Variants in SNX29 observed in about 807,000 individuals in gnomAD.
SNX29 encodes the protein sorting nexin-29.
In SNX29, 78 loss-of-function variants were observed where a neutral mutation model predicts 102.1. The ratio of observed to expected loss-of-function variants is 0.76; its 90% CI spans 0.64 to 0.92. The LOEUF (loss-of-function observed/expected upper bound fraction) is 0.92. Among genes scored for constraint, SNX29 ranks in the 40% least tolerant of loss-of-function variants. The pLI is 0.00. For synonymous variants in SNX29, 580 were observed against 414.5 expected, an observed-to-expected ratio of 1.40 and a Z score of -4.85; for missense variants, 1,280 against 1,061.7, an observed-to-expected ratio of 1.21 and a Z score of -2.86.
chr16:12,485,727 G>C (rs1245262103), intron 19 of SNX29, among the ~76,000 whole-genome samples: 1 of 152,170 alleles, frequency 6.6e-6, no homozygotes. Context: ...TTCGGTCTCT[G>C]TCCTTAAGAA....
chr16:12,441,083 T>C (rs1597388277), intron 18 of SNX29, among the ~76,000 whole-genome samples: 3 of 137,526 alleles, frequency 2.2e-5, no homozygotes, highest in South Asian at 4.9e-4. Context: ...CATCGCTACT[T>C]CATTCCTTTT....
At chr16:12,193,068 C>G (rs1023580681) in intron 13 of SNX29, among the ~76,000 whole-genome samples, 12 of 152,200 alleles carry the variant, frequency 7.9e-5, no homozygotes, top group African/African-American at 2.7e-4. Flanking sequence ...CTTCTAGGCT[C>G]AGGTGATCCT....
chr16:12,543,595 T>C (rs2077444277), intron 20 of SNX29, among the ~76,000 whole-genome samples: 2 of 152,074 alleles, frequency 1.3e-5, no homozygotes, highest in Admixed American at 1.3e-4. Context: ...TCCCAGTTCA[T>C]CCTCCCCGAT....
intron 18 of SNX29, among the ~76,000 whole-genome samples, chr16:12,456,372 A>G (rs1170159226): frequency 1.3e-5 from 2 of 152,234 alleles, no homozygotes; most frequent in Non-Finnish European, 2.9e-5. Context: ...ATCAATAAAT[A>G]CAGCACGATA....
At chr16:12,429,118 C>A (rs1421508341) in intron 18 of SNX29, among the ~76,000 whole-genome samples, 2 of 151,232 alleles carry the variant, frequency 1.3e-5, no homozygotes, top group Non-Finnish European at 2.9e-5. Flanking sequence ...CGATTAATAG[C>A]TCTTTCTAGT....
rs537929482 is a variant in SNX29 at position 12,572,301 on chromosome 16, C to G, written c.*3672C>G. ...TAACAAGTACTGGGGCCAGTGATCA[C>G]AATCCAGGTTGGAAACAGGAGTGAA... is the stretch of plus-strand genomic sequence containing the variant. On this transcript the variant is annotated 3_prime_UTR_variant, in exon 21 of 21. Coordinates refer to ENST00000566228, the MANE Select transcript of SNX29 (RefSeq NM_032167.5). 1.1e-6 allele frequency: 1 copy of G among 911,626 alleles called. No individual in the cohort carries two copies. Among genetic ancestry groups the G allele is most frequent in the African/African-American group, 5.1e-5 (1 of 19,760 alleles). The allele number at this position is 911,626 out of a possible 1,614,324, so 56.5% of individuals were successfully genotyped here.
Position 12,048,470 on chromosome 16 carries a change from A to T in SNX29, c.598A>T (p.Thr200Ser). The T allele has an allele frequency of 6.2e-7, 1 of 1,613,940 alleles. No individual in the cohort carries two copies. The highest frequency in any genetic ancestry group is 8.5e-7 in the Non-Finnish European group (1 of 1,179,876). The change falls in exon 7 of 21, where the codon ACG becomes TCG. Residue 200 changes from threonine to serine, a missense_variant. Thr to Ser is a moderately conservative substitution (Grantham distance 58). Coordinates refer to ENST00000566228, the MANE Select transcript of SNX29 (RefSeq NM_032167.5). ...PTVSDLLKES[T>S]QNVTSLLKES... ...CGTTTCAGACCTCTTAAAGGAGTCAACGCAGAACGTGACCTCCTTGCTGAA... is the reference window on the plus strand; with the variant it reads ...CGTTTCAGACCTCTTAAAGGAGTCATCGCAGAACGTGACCTCCTTGCTGAA...
chr16:12,270,204 G>T (rs968238413), intron 14 of SNX29, among the ~76,000 whole-genome samples: 1 of 152,144 alleles, frequency 6.6e-6, no homozygotes, highest in African/African-American at 2.4e-5. Flanking sequence ...CCTCAGGAAA[G>T]ATGCGACTTA....
intron 20 of SNX29, among the ~76,000 whole-genome samples, chr16:12,543,579 G>A (rs2077443414): frequency 6.6e-6 from 1 of 152,174 alleles, no homozygotes; most frequent in Non-Finnish European, 1.5e-5. Flanking sequence ...ACGCTTCCGT[G>A]GTGCGTCCCA....
chr16:12,416,869 T>A lies in SNX29; in HGVS notation c.2037+13340T>A, dbSNP rs868338653. On this transcript the variant is annotated intron_variant, in intron 18 of 20. Coordinates refer to ENST00000566228, the MANE Select transcript of SNX29 (RefSeq NM_032167.5). The stretch of plus-strand genomic sequence containing the variant: ...GCATCTGCCCCATGCCCCAGACACC[T>A]CCCACTAGGCCCACCTCCAGCTTCA... Among the ~76,000 whole-genome samples the A allele has an allele frequency of 1.3e-5, 2 of 152,162 alleles. 1 individual carries two copies. The highest frequency in any genetic ancestry group is 4.8e-5 in the African/African-American group (2 of 41,432).
rs58869867 is a variant in SNX29, at chr16:12,365,326, TTGTGTGTGTGTGTGTGTGTG to T, written c.1899+9067_1899+9086del. 1.3e-4 allele frequency among the ~76,000 whole-genome samples: 18 copies of T among 139,866 alleles called. 1 individual carries two copies. The South Asian group carries it at 4.3e-3, about 34-fold the overall frequency. The allele number at this position is 139,866 out of a possible 152,430, so 91.8% of individuals were successfully genotyped here. Reference sequence around the variant, plus strand: ...TCCTTCTCACTTCATACATCAGGATTTGTGTGTGTGTGTGTGTGTGTGTGTGTGTGTGTGTGTGTTTAGCA... The same window carrying T: ...TCCTTCTCACTTCATACATCAGGATTTGTGTGTGTGTGTGTGTGTTTAGCA... On this transcript the variant is annotated intron_variant, in intron 16 of 20. Coordinates refer to ENST00000566228, the MANE Select transcript of SNX29 (RefSeq NM_032167.5).
At chr16:12,487,983 G>A (rs949115719) in intron 19 of SNX29, among the ~76,000 whole-genome samples, 2 of 152,052 alleles carry the variant, frequency 1.3e-5, no homozygotes, top group African/African-American at 4.8e-5. Flanking sequence ...AACCACTAAC[G>A]TCATCTTGCC....
intron 15 of SNX29, among the ~76,000 whole-genome samples, chr16:12,322,366 G>T (rs2080968056): frequency 6.6e-6 from 1 of 152,176 alleles, no homozygotes; most frequent in Non-Finnish European, 1.5e-5. Flanking sequence ...CTGGACTCCA[G>T]CACCTAGTGT....
Position 12,573,300 on chromosome 16 carries a change from T to C in SNX29, c.*4671T>C, listed in dbSNP as rs1237265262. 4.4e-6 allele frequency: 1 copy of C among 226,720 alleles called. No homozygotes were observed. Among genetic ancestry groups the C allele is most frequent in the East Asian group, 6.3e-5 (1 of 15,766 alleles). The allele number at this position is 226,720 out of a possible 1,614,324, so 14.0% of individuals were successfully genotyped here. On this transcript the variant is annotated 3_prime_UTR_variant, in exon 21 of 21. Transcript: ENST00000566228. ...CTCTAGCCATGAGCCATTGCCATCTTATGGGCCCGATTTGGGTACTCTGAA... is the reference window on the plus strand; with the variant it reads ...CTCTAGCCATGAGCCATTGCCATCTCATGGGCCCGATTTGGGTACTCTGAA...
chr16:12,462,042 C>G (rs1056926808), intron 18 of SNX29, among the ~76,000 whole-genome samples: 16 of 132,430 alleles, frequency 1.2e-4, no homozygotes, highest in Admixed American at 3.2e-4. Flanking sequence ...CACACACACA[C>G]ACTCTTATAT....
intron 11 of SNX29, among the ~76,000 whole-genome samples, chr16:12,099,116 A>G (rs893769667): frequency 6.6e-6 from 1 of 152,160 alleles, no homozygotes. Flanking sequence ...CTGTTGTTAG[A>G]TACATGGCTG....
At chr16:12,279,047 A>G (rs1459280144) in intron 15 of SNX29, among the ~76,000 whole-genome samples, 3 of 152,198 alleles carry the variant, frequency 2.0e-5, no homozygotes, top group South Asian at 4.1e-4. Context: ...TTGAGAAGCT[A>G]TGTTTTTGAT....
intron 14 of SNX29, among the ~76,000 whole-genome samples, chr16:12,266,770 T>A (rs1596687257): frequency 6.6e-6 from 1 of 151,722 alleles, no homozygotes; most frequent in East Asian, 1.9e-4. Context: ...TATGTAAATT[T>A]TTTTTTTCTT....
At chr16:12,272,428 G>A (rs555034676) in intron 14 of SNX29, among the ~76,000 whole-genome samples, 4 of 152,218 alleles carry the variant, frequency 2.6e-5, no homozygotes, top group Non-Finnish European at 4.4e-5. Context: ...GCCATTTTGC[G>A]TATGTATTAG....
Sources: allele counts gnomAD v4.1 joint callset (sites outside exome capture counted in the v4.1 genomes callset), GRCh38; gene constraint gnomAD v4.1.1; transcripts MANE v1.5; gene names NCBI Gene and HGNC (gene_info 2026-07-23, HGNC 2026-07-21).